The following RANBP17 variants were observed in gnomAD, a reference collection of about 807,000 sequenced individuals.
RANBP17 encodes the protein ran-binding protein 17.
In RANBP17, 158 loss-of-function variants were observed where a neutral mutation model predicts 141.2. That is an observed-to-expected ratio of 1.12 (90% CI 0.98 to 1.28). RANBP17 has a LOEUF of 1.28. Among genes scored for constraint, RANBP17 ranks in the 50% most tolerant of loss-of-function variants. The pLI is 0.00. For missense variants in RANBP17, 1,438 were observed against 1,290.7 expected (o/e 1.11, Z -1.75); for synonymous variants, 430 against 450.0 (o/e 0.96, Z 0.56).
intron 25 of RANBP17, among the ~76,000 whole-genome samples, chr5:171,271,923 A>G (rs1252028162): frequency 3.3e-5 from 5 of 152,210 alleles, no homozygotes; most frequent in African/African-American, 1.2e-4. Context: ...TCTATTCACA[A>G]TAGCACATGG....
In RANBP17 at chr5:171,242,668, T is replaced by C. The variant is rs982666291; in HGVS notation, c.2638-14T>C. 35 of 1,612,424 alleles carry C rather than the reference T, an allele frequency of 2.2e-5. No individual in the cohort carries two copies. The highest frequency in any genetic ancestry group is 3.4e-5 in the Admixed American group (2 of 59,670). The stretch of plus-strand genomic sequence containing the variant: ...TCTCTGTGGCTTGACATTTAGTATA[T>C]CTCTGTGTTGTAGCAATACCGGAAA... On this transcript the variant is annotated splice_polypyrimidine_tract_variant and intron_variant, in intron 23 of 27. Coordinates refer to ENST00000523189, the MANE Select transcript of RANBP17 (RefSeq NM_022897.5).
intron 14 of RANBP17, among the ~76,000 whole-genome samples, chr5:171,133,304 G>C (rs1757057012): frequency 6.6e-6 from 1 of 152,170 alleles, no homozygotes; most frequent in Non-Finnish European, 1.5e-5. Context: ...GCTGTAAGGA[G>C]ATACACAGTT....
intron 14 of RANBP17, among the ~76,000 whole-genome samples, chr5:170,997,003 A>G (rs911388709): frequency 6.6e-6 from 1 of 152,102 alleles, no homozygotes; most frequent in Non-Finnish European, 1.5e-5. Flanking sequence ...CATAATCGTC[A>G]TGTGTCAAAA....
At chr5:171,277,648 T>TATATATATATATATATATATAC (rs1767596641) in intron 25 of RANBP17, among the ~76,000 whole-genome samples, 1 of 125,006 alleles carries the variant, frequency 8.0e-6, no homozygotes, top group Non-Finnish European at 1.7e-5. Context: ...TATATATATA[T>TATATATATATATATATATATAC]ATATATATAT....
intron 14 of RANBP17, among the ~76,000 whole-genome samples, chr5:170,995,590 T>TCGATGG (rs1778765592): frequency 6.6e-6 from 1 of 152,046 alleles, no homozygotes; most frequent in Non-Finnish European, 1.5e-5. Context: ...TTTGATAGAG[T>TCGATGG]CGATGGTTGA....
At chr5:171,028,125 AAAG>A (rs1781336531) in intron 14 of RANBP17, among the ~76,000 whole-genome samples, 1 of 152,142 alleles carries the variant, frequency 6.6e-6, no homozygotes, top group Admixed American at 6.6e-5. Context: ...ACTACAAAAA[AAAG>A]CACTAAATAA....
intron 14 of RANBP17, among the ~76,000 whole-genome samples, chr5:170,974,681 T>C (rs1266157292): frequency 6.6e-6 from 1 of 152,168 alleles, no homozygotes. Context: ...TTTTTGGAAC[T>C]GGAGGTGGCC....
At chr5:170,992,454 ATAAT>A (rs1490929049) in intron 14 of RANBP17, among the ~76,000 whole-genome samples, 1 of 152,068 alleles carries the variant, frequency 6.6e-6, no homozygotes, top group African/African-American at 2.4e-5. Context: ...AAGACATTTC[ATAAT>A]TAATCAAGAT....
chr5:171,214,288 G>A (rs946275239), intron 21 of RANBP17, among the ~76,000 whole-genome samples: 1 of 152,184 alleles, frequency 6.6e-6, no homozygotes, highest in Non-Finnish European at 1.5e-5. Context: ...CATTGAGAGA[G>A]CAACTATAAT....
intron 14 of RANBP17, among the ~76,000 whole-genome samples, chr5:170,977,312 T>C (rs552608192): frequency 6.6e-6 from 1 of 151,818 alleles, no homozygotes; most frequent in South Asian, 2.1e-4. Flanking sequence ...TTACACTCAC[T>C]AGGATGAATA....
intron 18 of RANBP17, among the ~76,000 whole-genome samples, chr5:171,187,458 TGTG>T (rs1761339459): frequency 6.7e-6 from 1 of 149,218 alleles, no homozygotes; most frequent in Non-Finnish European, 1.5e-5. Flanking sequence ...AAAAAAAAAG[TGTG>T]GTATCTGTGA....
chr5:170,975,910 C>T (rs997801113), intron 14 of RANBP17, among the ~76,000 whole-genome samples: 20 of 151,770 alleles, frequency 1.3e-4, no homozygotes, highest in Non-Finnish European at 4.4e-5. Flanking sequence ...CTCTTATGAT[C>T]GAGAGTAAGA....
intron 14 of RANBP17, among the ~76,000 whole-genome samples, chr5:171,017,408 A>G (rs1464690411): frequency 2.6e-5 from 4 of 152,188 alleles, no homozygotes. Flanking sequence ...CACCCTCGCC[A>G]GCATCTATTG....
intron 18 of RANBP17, among the ~76,000 whole-genome samples, chr5:171,187,590 G>C (rs565744440): frequency 2.7e-4 from 41 of 152,178 alleles, no homozygotes; most frequent in African/African-American, 8.9e-4. Context: ...TGTCGACTTT[G>C]GGTTGTAGCA....
chr5:171,166,980 G>C (rs1453087974), intron 14 of RANBP17, among the ~76,000 whole-genome samples: 1 of 152,084 alleles, frequency 6.6e-6, no homozygotes, highest in Non-Finnish European at 1.5e-5. Context: ...AAATCCCCAA[G>C]GACAAAAGCA....
chr5:171,174,009 G>A (rs779657038), intron 16 of RANBP17, among the ~76,000 whole-genome samples: 1 of 152,156 alleles, frequency 6.6e-6, no homozygotes, highest in Non-Finnish European at 1.5e-5. Context: ...ATGTGGGGAC[G>A]TAAGTCCCCA....
At chr5:170,916,649 T>A in intron 9 of RANBP17, 65 bp downstream of exon 9, 2 of 1,040,894 alleles carry the variant, frequency 1.9e-6, no homozygotes, top group Non-Finnish European at 2.7e-6. Context: ...AGGCACATAA[T>A]AAACTCATCA....
chr5:171,247,708 A>G (rs1166256329), intron 24 of RANBP17, among the ~76,000 whole-genome samples: 2 of 152,136 alleles, frequency 1.3e-5, no homozygotes, highest in Non-Finnish European at 2.9e-5. Context: ...GCTCTTACTA[A>G]TGGCTCTGAA....
At chr5:170,938,915 A>G (rs1359915739) in intron 12 of RANBP17, among the ~76,000 whole-genome samples, 2 of 152,216 alleles carry the variant, frequency 1.3e-5, no homozygotes, top group Non-Finnish European at 2.9e-5. Flanking sequence ...GACTTAATAG[A>G]AGACATGAGT....
Sources: gnomAD v4.1 joint callset for allele counts (sites outside exome capture counted in the v4.1 genomes callset) on GRCh38, gnomAD v4.1.1 for gene constraint, MANE v1.5 for transcripts, NCBI Gene and HGNC (gene_info 2026-07-23, HGNC 2026-07-21) for gene names.